Variants in HERC1 observed in about 807,000 individuals in gnomAD.
The protein encoded by HERC1 is HECT and RLD domain containing E3 ubiquitin protein ligase family member 1, also known as probable E3 ubiquitin-protein ligase HERC1.
In HERC1, 160 loss-of-function variants were observed where a neutral mutation model predicts 554.3. The observed-to-expected ratio is 0.29, with a 90% CI of 0.25 to 0.33. The LOEUF (loss-of-function observed/expected upper bound fraction) is 0.33, where lower values mean the gene tolerates loss of function less well. Among genes scored for constraint, HERC1 ranks in the 10% least tolerant of loss-of-function variants. The pLI is 1.00. For missense variants in HERC1, 4,919 were observed against 5,918.5 expected (o/e 0.83, Z 5.54); for synonymous variants, 2,175 against 2,131.7 (o/e 1.02, Z -0.56).
intron 40 of HERC1, among the ~76,000 whole-genome samples, chr15:63,666,869 C>A (rs1462933443): frequency 2.6e-5 from 4 of 152,284 alleles, no homozygotes; most frequent in Admixed American, 2.0e-4. Context: ...TGAGGTCCAA[C>A]AAGGTGATGC....
At chr15:63,611,922 C>T (rs535690614) in intron 77 of HERC1, among the ~76,000 whole-genome samples, 4 of 152,194 alleles carry the variant, frequency 2.6e-5, no homozygotes, top group South Asian at 2.1e-4. Flanking sequence ...TGTTGGCTCA[C>T]GCCTGTAATC....
intron 25 of HERC1, 73 bp from the exon 26 acceptor site, chr15:63,699,069 G>A: frequency 3.0e-6 from 4 of 1,337,002 alleles, no homozygotes; most frequent in Non-Finnish European, 4.1e-6. Context: ...AGATAAGGCT[G>A]AGTGCTGCTA....
intron 40 of HERC1, among the ~76,000 whole-genome samples, chr15:63,667,567 A>G (rs918224889): frequency 4.6e-5 from 7 of 152,226 alleles, no homozygotes; most frequent in African/African-American, 1.7e-4. Context: ...ACAAATAATA[A>G]TTTATTATGG....
chr15:63,658,771 T>C, intron 47 of HERC1, 53 bp from the exon 48 acceptor site: 1 of 1,410,030 alleles, frequency 7.1e-7, no homozygotes, highest in Non-Finnish European at 9.8e-7. Flanking sequence ...AAAATACATC[T>C]GAACTACTAA....
At chr15:63,657,876 T>A (rs999442785) in intron 48 of HERC1, among the ~76,000 whole-genome samples, 1 of 152,198 alleles carries the variant, frequency 6.6e-6, no homozygotes, top group Non-Finnish European at 1.5e-5. Context: ...CTTCAGTTAC[T>A]GAAAAAAACA....
At chr15:63,673,751 G>GCCT (rs1566996865) in intron 38 of HERC1, among the ~76,000 whole-genome samples, 1 of 152,164 alleles carries the variant, frequency 6.6e-6, no homozygotes, top group Non-Finnish European at 1.5e-5. Context: ...TTGAGACAGA[G>GCCT]TCTCGCTCAG....
chr15:63,795,925 A>C (rs1567136348), intron 1 of HERC1, among the ~76,000 whole-genome samples: 1 of 152,238 alleles, frequency 6.6e-6, no homozygotes, highest in African/African-American at 2.4e-5. Flanking sequence ...AAAGGTAAAA[A>C]TACCTTTAAA....
chr15:63,820,012 GACT>G (rs1397357656), intron 1 of HERC1, among the ~76,000 whole-genome samples: 1 of 152,224 alleles, frequency 6.6e-6, no homozygotes, highest in East Asian at 1.9e-4. Flanking sequence ...CAAAAATGAT[GACT>G]AAATGAAGTA....
Position 63,659,691 on chromosome 15 carries a change from ATAG to A in HERC1, c.9424+42_9424+44del, listed in dbSNP as rs772063817. The A allele has an allele frequency of 9.0e-5, 124 of 1,371,842 alleles. 1 individual carries two copies. In the East Asian group the frequency reaches 2.6e-3, roughly 28 times the overall value. The allele number at this position is 1,371,842 out of a possible 1,614,324, so 85.0% of individuals were successfully genotyped here. On this transcript the variant is annotated intron_variant, in intron 47 of 77. Transcript: ENST00000443617. ...TATTTACCTATCTAAGAAACAAATT[ATAG>A]TAGATGCTATAAAATCAATGCAAAT...
At chr15:63,710,018 G>GTATTT (rs1486218585) in intron 24 of HERC1, among the ~76,000 whole-genome samples, 1 of 152,226 alleles carries the variant, frequency 6.6e-6, no homozygotes, top group Admixed American at 6.5e-5. Flanking sequence ...CTTTAGCAAA[G>GTATTT]GCTCAAGAGG....
chr15:63,680,092 G>T lies in HERC1; in HGVS notation c.6534C>A (p.Ser2178Arg). ...ELYPCVMFYS[S>R]NPGEKVKICD... ...ACTTCATTACCTTTTCCCCTGGATT[G>T]CTACTATAGAACATCACACATGGGT... Residue 2178 changes from serine to arginine, a missense_variant, in exon 36 of 78, where the codon AGC becomes AGA. This residue lies in a region of HERC1 where 85 missense variants were observed against 163.2 expected (regional missense o/e 0.52). Coordinates refer to ENST00000443617, the MANE Select transcript of HERC1 (RefSeq NM_003922.4). This position sits in a 1 kb window ranked among gnomAD's most constrained non-coding sequence, Gnocchi z 5.8. The T allele has an allele frequency of 6.2e-7, 1 of 1,609,586 alleles. No individual in the cohort carries two copies. The highest frequency in any genetic ancestry group is 1.1e-5 in the South Asian group (1 of 90,566).
At chr15:63,679,414 T>C (rs1336312020) in intron 36 of HERC1, among the ~76,000 whole-genome samples, 3 of 152,300 alleles carry the variant, frequency 2.0e-5, no homozygotes, top group Non-Finnish European at 2.9e-5. Flanking sequence ...AATTTCATTA[T>C]GGAAATATTA....
intron 1 of HERC1, among the ~76,000 whole-genome samples, chr15:63,833,177 G>C (rs2078214625): frequency 6.6e-6 from 1 of 152,158 alleles, no homozygotes; most frequent in Admixed American, 6.5e-5. Flanking sequence ...TCACGCTTAA[G>C]ACTAAACAAT....
At chr15:63,709,707 T>C (rs2073196411) in intron 24 of HERC1, among the ~76,000 whole-genome samples, 2 of 152,232 alleles carry the variant, frequency 1.3e-5, no homozygotes, top group Non-Finnish European at 2.9e-5. Flanking sequence ...AAAGGAGTTA[T>C]TAATCATTTA....
chr15:63,660,993 T>C lies in HERC1; in HGVS notation c.9203A>G (p.Lys3068Arg), dbSNP rs1284495865. Reference sequence around the variant, plus strand: ...ACTACCTTCATACACACTGTCTTGCTTGCCAATTAGATCTGGAGCTTGTCC... The same window carrying C: ...ACTACCTTCATACACACTGTCTTGCCTGCCAATTAGATCTGGAGCTTGTCC... ...YKGQAPDLIGKQDSVYEEDWD... is the reference protein window; with the variant it reads ...YKGQAPDLIGRQDSVYEEDWD... Residue 3068 changes from lysine (K) to arginine (R), a missense_variant, in exon 46 of 78, where the codon AAG becomes AGG. Transcript: ENST00000443617. 6.2e-7 allele frequency: 1 copy of C among 1,611,728 alleles called. No individual in the cohort carries two copies. Among genetic ancestry groups the C allele is most frequent in the Non-Finnish European group, 8.5e-7 (1 of 1,177,862 alleles).
At chr15:63,729,737 T>C in intron 14 of HERC1, 88 bp from the exon 15 acceptor site, 2 of 1,361,708 alleles carry the variant, frequency 1.5e-6, no homozygotes, top group Non-Finnish European at 2.0e-6. Flanking sequence ...AGCAGCATTA[T>C]ATGGGCTGGG....
chr15:63,609,926 G>GA (rs2152696705), intron 77 of HERC1, among the ~76,000 whole-genome samples: 1 of 152,184 alleles, frequency 6.6e-6, no homozygotes, highest in South Asian at 2.1e-4. Flanking sequence ...GTTAAAGGCA[G>GA]AAAAAATTCT....
chr15:63,725,511 C>G lies in HERC1; in HGVS notation c.3349G>C (p.Gly1117Arg). 6.2e-7 allele frequency: 1 copy of G among 1,612,412 alleles called. No homozygotes were observed. Among genetic ancestry groups the G allele is most frequent in the Non-Finnish European group, 8.5e-7 (1 of 1,178,908 alleles). Residue 1117 changes from glycine (G) to arginine (R), a missense_variant and splice_region_variant, in exon 18 of 78, where the codon GGG becomes CGG. Transcript: ENST00000443617. Reference sequence around the variant, plus strand: ...CCAGCAGGATCAATTAGTTCTGGCCCTCCTAAAGACAAAATCATTAGTTAT... The same window carrying G: ...CCAGCAGGATCAATTAGTTCTGGCCGTCCTAAAGACAAAATCATTAGTTAT... The part of the protein sequence containing the change: ...DQELQWPLHG[G>R]PELIDPAGLP...
chr15:63,691,553 A>G (rs772617124), intron 31 of HERC1, among the ~76,000 whole-genome samples: 1 of 152,222 alleles, frequency 6.6e-6, no homozygotes. Flanking sequence ...AAAAATACAT[A>G]TAACTGTAAT....
Sources: gnomAD v4.1 joint callset for allele counts (sites outside exome capture counted in the v4.1 genomes callset) on GRCh38, gnomAD v4.1.1 for gene constraint, gnomAD v4.1.1 regional missense constraint, Gnocchi (gnomAD v3.1) non-coding constraint, MANE v1.5 for transcripts, NCBI Gene and HGNC (gene_info 2026-07-23, HGNC 2026-07-21) for gene names.